The following PSTPIP2 variants were observed in gnomAD, a reference collection of about 807,000 sequenced individuals.
The protein encoded by PSTPIP2 is proline-serine-threonine phosphatase interacting protein 2.
PSTPIP2 carries 33 observed loss-of-function variants against 63.3 expected under a neutral mutation model. The ratio of observed to expected loss-of-function variants is 0.52; its 90% CI spans 0.40 to 0.70. The LOEUF (loss-of-function observed/expected upper bound fraction) is 0.70. PSTPIP2 is among the 30% of genes least tolerant of loss of function. PSTPIP2 has a pLI of 0.00. For synonymous variants in PSTPIP2, 125 were observed against 132.7 expected, an observed-to-expected ratio of 0.94 and a Z score of 0.40; for missense variants, 312 against 400.7, an observed-to-expected ratio of 0.78 and a Z score of 1.89.
At chr18:46,046,324 C>A (rs891669172) in intron 1 of PSTPIP2, among the ~76,000 whole-genome samples, 1 of 152,240 alleles carries the variant, frequency 6.6e-6, no homozygotes, top group Admixed American at 6.5e-5. Flanking sequence ...AACAGGGTTA[C>A]GGGTCCCGCT....
rs78265109 is a variant in PSTPIP2 at position 45,993,993 on chromosome 18, A to G, written c.643-290T>C. 1.7e-3 allele frequency: 663 copies of G among 380,550 alleles called. 3 individuals are homozygous for G. Among genetic ancestry groups the G allele is most frequent in the African/African-American group, 0.013 (615 of 48,114 alleles). 23.6% of individuals were successfully genotyped at this position (380,550 alleles called of 1,614,324 possible). On this transcript the variant is annotated intron_variant, in intron 9 of 14. Coordinates refer to ENST00000409746, the MANE Select transcript of PSTPIP2 (RefSeq NM_024430.4). ...AACTGAGTTCCTACCGACATTTCCA[A>G]CTATCTAACATCATCTCCACCTGAG...
chr18:46,010,998 G>A lies in PSTPIP2; in HGVS notation c.354+183C>T, dbSNP rs2144082107. 7.0e-6 allele frequency: 4 copies of A among 569,182 alleles called. 1 individual carries two copies. The South Asian group carries it at 9.5e-5, about 13-fold the overall frequency. 35.3% of individuals were successfully genotyped at this position (569,182 alleles called of 1,614,324 possible). A position where few individuals can be genotyped will look rare whatever the true frequency, so the allele number is the denominator to read the frequency against. ...TGTGAACTTTAAAAAAGGACAACTGGCCTGGGGTGTAGAAATGCATATACC... is the reference window on the plus strand; with the variant it reads ...TGTGAACTTTAAAAAAGGACAACTGACCTGGGGTGTAGAAATGCATATACC... On this transcript the variant is annotated intron_variant, in intron 5 of 14. Coordinates refer to ENST00000409746, the MANE Select transcript of PSTPIP2 (RefSeq NM_024430.4).
In PSTPIP2 at chr18:45,984,527, T is replaced by C. The variant is rs2051448419; in HGVS notation, c.*932A>G. ...GAGGAATGGAATCAAAATATGGTAT[T>C]TCATTGATTCTAAGATGTATTTTTT... On this transcript the variant is annotated 3_prime_UTR_variant, in exon 15 of 15. Coordinates refer to ENST00000409746, the MANE Select transcript of PSTPIP2 (RefSeq NM_024430.4). The C allele has an allele frequency of 6.6e-6, 1 of 152,188 alleles. No homozygotes were observed. Among genetic ancestry groups the C allele is most frequent in the African/African-American group, 2.4e-5 (1 of 41,448 alleles). The allele number at this position is 152,188 out of a possible 1,614,324, so 9.4% of individuals were successfully genotyped here. A position where few individuals can be genotyped will look rare whatever the true frequency, so the allele number is the denominator to read the frequency against.
chr18:45,991,297 T>C (rs2051529301), intron 12 of PSTPIP2, among the ~76,000 whole-genome samples: 1 of 152,200 alleles, frequency 6.6e-6, no homozygotes, highest in South Asian at 2.1e-4. Context: ...CAGGATCCTT[T>C]ACATGAACGG....
At chr18:45,986,454 A>G (rs1183058004) in intron 14 of PSTPIP2, among the ~76,000 whole-genome samples, 1 of 152,204 alleles carries the variant, frequency 6.6e-6, no homozygotes, top group East Asian at 1.9e-4. Context: ...AACAAGTAAG[A>G]ACAGAAAAGA....
intron 1 of PSTPIP2, among the ~76,000 whole-genome samples, chr18:46,040,471 G>GTT (rs1908151787): frequency 4.6e-5 from 7 of 152,170 alleles, no homozygotes; most frequent in Admixed American, 1.3e-4. Context: ...TCGACAGACT[G>GTT]GAACCAGAAA....
chr18:46,066,056 T>C (rs1443260945), intron 1 of PSTPIP2, among the ~76,000 whole-genome samples: 1 of 152,124 alleles, frequency 6.6e-6, no homozygotes, highest in African/African-American at 2.4e-5. Context: ...TTAAAAACTA[T>C]TGGCCAGGTG....
chr18:45,993,024 C>G (rs1002176461), intron 10 of PSTPIP2, among the ~76,000 whole-genome samples: 1 of 152,286 alleles, frequency 6.6e-6, no homozygotes, highest in South Asian at 2.1e-4. Flanking sequence ...CCGTGCCCAG[C>G]CTACATTTAC....
At chr18:46,028,153 A>G (rs1351387628) in intron 2 of PSTPIP2, among the ~76,000 whole-genome samples, 8 of 152,260 alleles carry the variant, frequency 5.3e-5, no homozygotes, top group Non-Finnish European at 8.8e-5. Flanking sequence ...AGAGTGAGAC[A>G]GTGTCTCAAA....
intron 5 of PSTPIP2, among the ~76,000 whole-genome samples, chr18:46,010,207 G>A (rs1470557615): frequency 2.6e-5 from 4 of 152,364 alleles, no homozygotes; most frequent in East Asian, 3.9e-4. Context: ...TGCTGAGACT[G>A]AGGTCAAGGT....
intron 14 of PSTPIP2, among the ~76,000 whole-genome samples, chr18:45,987,114 C>T (rs1372107177): frequency 6.6e-6 from 1 of 152,202 alleles, no homozygotes; most frequent in Non-Finnish European, 1.5e-5. Context: ...GCTGGGATTA[C>T]AGGCGTGAGC....
chr18:45,999,604 G>T, intron 6 of PSTPIP2, 70 bp from the exon 7 acceptor site: 28 of 1,537,462 alleles, frequency 1.8e-5, no homozygotes, highest in Non-Finnish European at 2.5e-5. Flanking sequence ...AGCCCCCTTG[G>T]CCCAGGAAGT....
chr18:46,032,756 A>G (rs1350825833), intron 2 of PSTPIP2, among the ~76,000 whole-genome samples: 101 of 123,972 alleles, frequency 8.1e-4, no homozygotes, highest in African/African-American at 4.1e-3. Flanking sequence ...CTCTGTGTCA[A>G]AAAAAAAAAA....
intron 9 of PSTPIP2, among the ~76,000 whole-genome samples, chr18:45,996,041 C>A (rs1181110651): frequency 6.6e-6 from 1 of 152,180 alleles, no homozygotes; most frequent in Non-Finnish European, 1.5e-5. Flanking sequence ...GTCTTGAACT[C>A]CTGACCTCAG....
At chr18:45,989,586 C>G (rs2051502830) in intron 13 of PSTPIP2, 1 of 152,480 alleles carries the variant, frequency 6.6e-6, no homozygotes, top group African/African-American at 2.4e-5. Flanking sequence ...CTTTTCTTTA[C>G]TCAAATAATA....
Position 46,059,608 on chromosome 18 carries a change from T to TA in PSTPIP2, c.33+12547dup, listed in dbSNP as rs754853461. 2.4e-4 allele frequency among the ~76,000 whole-genome samples: 37 copies of TA among 151,992 alleles called. 1 individual carries two copies. The highest frequency in any genetic ancestry group is 1.7e-3 in the East Asian group (9 of 5,184). ...TTGTTGAAAATTTTTAAGTATAGAT[T>TA]AAAAAAAAGAAAATAATATTTTTCA... On this transcript the variant is annotated intron_variant, in intron 1 of 14. Transcript: ENST00000409746.
At chr18:46,023,951 A>G (rs1907479335) in intron 3 of PSTPIP2, among the ~76,000 whole-genome samples, 1 of 152,022 alleles carries the variant, frequency 6.6e-6, no homozygotes, top group African/African-American at 2.4e-5. Context: ...TACATATAAA[A>G]AACTTCAAGA....
chr18:46,023,851 T>C lies in PSTPIP2; in HGVS notation c.212+758A>G, dbSNP rs146930977. Among the ~76,000 whole-genome samples the C allele has an allele frequency of 5.9e-3, 897 of 151,008 alleles. 13 individuals carry two copies. The highest frequency in any genetic ancestry group is 0.03 in the Admixed American group (460 of 15,156). On this transcript the variant is annotated intron_variant, in intron 3 of 14. Coordinates refer to ENST00000409746, the MANE Select transcript of PSTPIP2 (RefSeq NM_024430.4). ...GCTTTTAAAAAACACACACATACAA[T>C]ACACACACACACATATACACACACA...
intron 1 of PSTPIP2, among the ~76,000 whole-genome samples, chr18:46,070,744 TCCTGG>T (rs2144142905): frequency 6.6e-6 from 1 of 152,230 alleles, no homozygotes; most frequent in South Asian, 2.1e-4. Context: ...GGTCTCGAAC[TCCTGG>T]CCTCAAGCAA....
Sources: allele counts gnomAD v4.1 joint callset (sites outside exome capture counted in the v4.1 genomes callset), GRCh38; gene constraint gnomAD v4.1.1; transcripts MANE v1.5; gene names NCBI Gene and HGNC (gene_info 2026-07-23, HGNC 2026-07-21).